Variants in SMAD3 observed in about 807,000 individuals in gnomAD.
SMAD3 encodes SMAD family member 3, also known as MAD homolog 3.
A neutral mutation model predicts 51.8 loss-of-function variants in SMAD3; 12 were observed. That is an observed-to-expected ratio of 0.23 (90% CI 0.15 to 0.38). The LOEUF is 0.38. SMAD3 is among the 10% of genes least tolerant of loss of function. The probability of loss-of-function intolerance (pLI) is 1.00; values close to 1 mark genes in which losing one functional copy is unlikely to be tolerated. For missense variants in SMAD3, 294 were observed against 565.6 expected (o/e 0.52, Z 4.87); for synonymous variants, 238 against 227.7 (o/e 1.05, Z -0.41).
chr15:67,078,224 C>T (rs1007079146), intron 1 of SMAD3, among the ~76,000 whole-genome samples: 4 of 152,222 alleles, frequency 2.6e-5, no homozygotes, highest in African/African-American at 9.7e-5. Flanking sequence ...ATATGGATAC[C>T]TTGGGAAACT....
intron 4 of SMAD3, 116 bp downstream of exon 4, chr15:67,166,969 A>T: frequency 1.2e-6 from 1 of 851,954 alleles, no homozygotes; most frequent in East Asian, 2.6e-5. Context: ...TCTCTCCAGT[A>T]TTTGTAGAGC....
intron 4 of SMAD3, among the ~76,000 whole-genome samples, chr15:67,170,261 C>G (rs2140300690): frequency 6.6e-6 from 1 of 152,290 alleles, no homozygotes; most frequent in South Asian, 2.1e-4. Context: ...TTTAGCAGCC[C>G]TGAGCTGGGA....
chr15:67,110,330 A>G (rs974677757), intron 1 of SMAD3, among the ~76,000 whole-genome samples: 2 of 152,176 alleles, frequency 1.3e-5, no homozygotes, highest in African/African-American at 4.8e-5. Flanking sequence ...GGTGGAGGAA[A>G]GGCCAGGAAC....
intron 7 of SMAD3, among the ~76,000 whole-genome samples, chr15:67,185,800 C>T (rs772261968): frequency 6.6e-6 from 1 of 152,368 alleles, no homozygotes; most frequent in African/African-American, 2.4e-5. Flanking sequence ...TTTCACAGGA[C>T]GTGCAGCCAC....
At chr15:67,083,391 C>T (rs375016983) in intron 1 of SMAD3, among the ~76,000 whole-genome samples, 4 of 152,230 alleles carry the variant, frequency 2.6e-5, no homozygotes, top group Admixed American at 2.6e-4. Context: ...GGTTGCCTTA[C>T]TGGGGTTCAT....
chr15:67,190,844 CTCT>C lies in SMAD3; in HGVS notation c.*310_*312del. ...ACACCACCGGCCCCCTCCCCCCAGA[CTCT>C]TTTTTTGAGTGACAGCTTTCTGGGA... On this transcript the variant is annotated 3_prime_UTR_variant, in exon 9 of 9. Coordinates refer to ENST00000327367, the MANE Select transcript of SMAD3 (RefSeq NM_005902.4). The C allele has an allele frequency of 2.2e-6, 1 of 449,892 alleles. No homozygotes were observed. The highest frequency in any genetic ancestry group is 4.1e-6 in the Non-Finnish European group (1 of 244,546). The allele number at this position is 449,892 out of a possible 1,614,324, so 27.9% of individuals were successfully genotyped here.
At chr15:67,108,328 A>G (rs1960927662) in intron 1 of SMAD3, among the ~76,000 whole-genome samples, 1 of 152,140 alleles carries the variant, frequency 6.6e-6, no homozygotes, top group African/African-American at 2.4e-5. Flanking sequence ...GCTTTGCCCA[A>G]AAAGGTTGAG....
chr15:67,127,456 C>G (rs1243321828), intron 1 of SMAD3, among the ~76,000 whole-genome samples: 6 of 152,222 alleles, frequency 3.9e-5, no homozygotes, highest in Non-Finnish European at 8.8e-5. Flanking sequence ...CCTGCCCTTT[C>G]CCTCCTCTGA....
At chr15:67,151,000 T>A (rs1212521936) in intron 1 of SMAD3, among the ~76,000 whole-genome samples, 1 of 149,906 alleles carries the variant, frequency 6.7e-6, no homozygotes, top group African/African-American at 2.5e-5. Context: ...GGATTACAGG[T>A]GCCCACCACC....
intron 1 of SMAD3, among the ~76,000 whole-genome samples, chr15:67,107,092 C>A (rs960201569): frequency 6.6e-6 from 1 of 151,944 alleles, no homozygotes; most frequent in African/African-American, 2.4e-5. Flanking sequence ...CTCTCTCCCA[C>A]CCAGGGCTCA....
At chr15:67,085,161 G>A (rs1880930227) in intron 1 of SMAD3, among the ~76,000 whole-genome samples, 5 of 152,174 alleles carry the variant, frequency 3.3e-5, no homozygotes, top group Admixed American at 3.3e-4. Context: ...TTAGAGGATG[G>A]CCTCTGAAAG....
intron 1 of SMAD3, among the ~76,000 whole-genome samples, chr15:67,130,511 G>A (rs1430895220): frequency 6.6e-6 from 1 of 152,170 alleles, no homozygotes; most frequent in East Asian, 1.9e-4. Flanking sequence ...CTGCATATTG[G>A]AGGGATCTAG....
chr15:67,117,591 G>A (rs914784306), intron 1 of SMAD3, among the ~76,000 whole-genome samples: 3 of 152,126 alleles, frequency 2.0e-5, no homozygotes, highest in African/African-American at 2.4e-5. Flanking sequence ...TGGGTGTGAG[G>A]ATGTTTCCTT....
At chr15:67,170,919 C>A (rs1212973260) in intron 5 of SMAD3, among the ~76,000 whole-genome samples, 1 of 152,242 alleles carries the variant, frequency 6.6e-6, no homozygotes, top group East Asian at 1.9e-4. Flanking sequence ...GCTAAGCATA[C>A]GTGTGCAGTT....
intron 1 of SMAD3, among the ~76,000 whole-genome samples, chr15:67,152,470 AC>A (rs2140278725): frequency 6.6e-6 from 1 of 152,228 alleles, no homozygotes; most frequent in South Asian, 2.1e-4. Flanking sequence ...TTTGTGACTT[AC>A]TCCATTTCAA....
At position 67,093,548 on chromosome 15, in the gene SMAD3, T is replaced by G. The variant is rs373941756; in HGVS notation, c.206+27188T>G. On this transcript the variant is annotated intron_variant, in intron 1 of 8. Coordinates refer to ENST00000327367, the MANE Select transcript of SMAD3 (RefSeq NM_005902.4). ...TCTCTCTCAGTCTTCCCAGCAGCCCTGTCAAGCGGGGAGTCTAGCAAGAAG... is the reference window on the plus strand; with the variant it reads ...TCTCTCTCAGTCTTCCCAGCAGCCCGGTCAAGCGGGGAGTCTAGCAAGAAG... 3.0e-4 allele frequency among the ~76,000 whole-genome samples: 45 copies of G among 152,308 alleles called. 1 individual carries two copies. The highest frequency in any genetic ancestry group is 1.1e-3 in the African/African-American group (44 of 41,574).
intron 1 of SMAD3, among the ~76,000 whole-genome samples, chr15:67,153,016 T>G (rs1349203675): frequency 6.6e-6 from 1 of 152,038 alleles, no homozygotes; most frequent in Non-Finnish European, 1.5e-5. Flanking sequence ...GAGTTTGGAG[T>G]GTAACATCTA....
intron 1 of SMAD3, among the ~76,000 whole-genome samples, chr15:67,068,988 G>A (rs968187883): frequency 6.6e-6 from 1 of 152,196 alleles, no homozygotes; most frequent in Non-Finnish European, 1.5e-5. Flanking sequence ...TGGTCACTGG[G>A]TGCTTAAAAA....
intron 5 of SMAD3, among the ~76,000 whole-genome samples, chr15:67,176,197 A>G (rs1349951971): frequency 1.3e-5 from 2 of 152,168 alleles, no homozygotes; most frequent in African/African-American, 4.8e-5. Context: ...AGACTCAGGT[A>G]CACAGTTTCT....
Sources: gnomAD v4.1 joint callset for allele counts (sites outside exome capture counted in the v4.1 genomes callset) on GRCh38, gnomAD v4.1.1 for gene constraint, MANE v1.5 for transcripts, NCBI Gene and HGNC (gene_info 2026-07-23, HGNC 2026-07-21) for gene names.